Variants in GALNTL6 observed in about 807,000 individuals in gnomAD.
GALNTL6 encodes the protein polypeptide N-acetylgalactosaminyltransferase like 6, also known as polypeptide N-acetylgalactosaminyltransferase-like 6.
A neutral mutation model predicts 73.7 loss-of-function variants in GALNTL6; 46 were observed. The observed-to-expected ratio is 0.62, with a 90% CI of 0.49 to 0.80. GALNTL6 has a LOEUF of 0.80. Among genes scored for constraint, GALNTL6 ranks in the 30% least tolerant of loss-of-function variants. The probability of loss-of-function intolerance (pLI) is 0.00; values close to 1 mark genes in which losing one functional copy is unlikely to be tolerated. For missense variants in GALNTL6, 604 were observed against 755.0 expected, an observed-to-expected ratio of 0.80 and a Z score of 2.34; for synonymous variants, 259 against 263.7, an observed-to-expected ratio of 0.98 and a Z score of 0.17.
Position 172,658,149 on chromosome 4 carries a change from C to CAAAAAAAAAAAA in GALNTL6, c.554-151203_554-151192dup, listed in dbSNP as rs58279803. Among the ~76,000 whole-genome samples, 5 of 5,016 alleles carry CAAAAAAAAAAAA rather than the reference C, an allele frequency of 1.0e-3. 1 individual carries two copies. Among genetic ancestry groups the CAAAAAAAAAAAA allele is most frequent in the Admixed American group, 9.7e-3 (2 of 206 alleles). The allele number at this position is 5,016 out of a possible 152,430, so 3.3% of individuals were successfully genotyped here. A position where few individuals can be genotyped will look rare whatever the true frequency, so the allele number is the denominator to read the frequency against. ...TGGGTGACAGAGCGAGACTCCGTCT[C>CAAAAAAAAAAAA]AAAAAAAAAAAAAAAAAAAAGAAAT... On this transcript the variant is annotated intron_variant, in intron 5 of 12. Coordinates refer to ENST00000506823, the MANE Select transcript of GALNTL6 (RefSeq NM_001034845.3).
intron 5 of GALNTL6, among the ~76,000 whole-genome samples, chr4:172,403,277 C>G (rs983312542): frequency 6.6e-6 from 1 of 152,118 alleles, no homozygotes; most frequent in South Asian, 2.1e-4. Flanking sequence ...AATATTTACA[C>G]TGATTCTGAA....
chr4:172,917,704 A>G (rs1747595309), intron 8 of GALNTL6, among the ~76,000 whole-genome samples: 1 of 152,232 alleles, frequency 6.6e-6, no homozygotes, highest in Non-Finnish European at 1.5e-5. Context: ...ATGAGATACC[A>G]TCTCACACCA....
At chr4:172,144,797 T>C (rs1409050643) in intron 2 of GALNTL6, among the ~76,000 whole-genome samples, 1 of 152,186 alleles carries the variant, frequency 6.6e-6, no homozygotes, top group African/African-American at 2.4e-5. Context: ...GCTAACCCCT[T>C]GTTTTGCAAA....
At chr4:172,959,266 A>G (rs1391632992) in intron 10 of GALNTL6, among the ~76,000 whole-genome samples, 1 of 151,958 alleles carries the variant, frequency 6.6e-6, no homozygotes, top group African/African-American at 2.4e-5. Context: ...GAACTGGGGG[A>G]AAAGGTGGCA....
At chr4:173,030,148 T>TATGTC (rs5864180) in intron 12 of GALNTL6, among the ~76,000 whole-genome samples, 56,586 of 151,722 alleles carry the variant, frequency 0.37, 11,339 homozygotes, top group African/African-American at 0.51. Flanking sequence ...ACAGAGGACT[T>TATGTC]ATGTTATCCT....
chr4:172,579,803 AAGGAAGGAG>A (rs1737102450), intron 5 of GALNTL6, among the ~76,000 whole-genome samples: 2 of 140,094 alleles, frequency 1.4e-5, no homozygotes, highest in Non-Finnish European at 3.1e-5. Flanking sequence ...GGAAGGAGGG[AAGGAAGGAG>A]GGAAGGAAGG....
intron 5 of GALNTL6, among the ~76,000 whole-genome samples, chr4:172,713,015 G>A (rs1438590553): frequency 2.6e-5 from 4 of 152,042 alleles, no homozygotes; most frequent in African/African-American, 7.2e-5. Flanking sequence ...AATCTTTACA[G>A]TATGCAGTAT....
rs563723071 is a variant in GALNTL6 at position 172,368,784 on chromosome 4, G to A, written c.553+20095G>A. On this transcript the variant is annotated intron_variant, in intron 5 of 12. Transcript: ENST00000506823. ...TCGCTGACTTCAAGAATGAAGCCGC[G>A]GACCCTTGCGGTGAGTGTTACAGTT... Among the ~76,000 whole-genome samples the A allele has an allele frequency of 1.1e-3, 164 of 152,150 alleles. 1 individual carries two copies. The highest frequency in any genetic ancestry group is 3.4e-3 in the Middle Eastern group (1 of 294).
chr4:172,052,937 A>G (rs1277492068), intron 2 of GALNTL6, among the ~76,000 whole-genome samples: 3 of 152,312 alleles, frequency 2.0e-5, no homozygotes, highest in South Asian at 4.1e-4. Flanking sequence ...TCTCTTCAAA[A>G]CAATAGTTAC....
intron 2 of GALNTL6, among the ~76,000 whole-genome samples, chr4:172,192,113 G>T (rs914603797): frequency 6.6e-5 from 10 of 151,912 alleles, no homozygotes; most frequent in Admixed American, 4.6e-4. Flanking sequence ...TTTGAAAGTG[G>T]TGTAATAATA....
At chr4:172,985,204 A>G (rs1162861743) in intron 10 of GALNTL6, among the ~76,000 whole-genome samples, 1 of 152,118 alleles carries the variant, frequency 6.6e-6, no homozygotes, top group Non-Finnish European at 1.5e-5. Context: ...GCCTTCGACA[A>G]TATAGCAATC....
chr4:172,594,212 G>A (rs183062721), intron 5 of GALNTL6, among the ~76,000 whole-genome samples: 21 of 152,150 alleles, frequency 1.4e-4, no homozygotes, highest in African/African-American at 5.1e-4. Context: ...CAGGCCTAGT[G>A]GTGGGCGCCT....
chr4:172,251,890 G>A (rs1258472833), intron 3 of GALNTL6, among the ~76,000 whole-genome samples: 1 of 151,960 alleles, frequency 6.6e-6, no homozygotes, highest in East Asian at 1.9e-4. Context: ...CATCCTAAAA[G>A]TATCAATGAA....
chr4:172,214,245 CCTTTT>C (rs1354586473), intron 2 of GALNTL6, among the ~76,000 whole-genome samples: 2 of 151,960 alleles, frequency 1.3e-5, no homozygotes, highest in African/African-American at 4.8e-5. Flanking sequence ...TCTGACTGTC[CCTTTT>C]CTTCAGTATT....
chr4:172,984,798 A>G (rs2126441623), intron 10 of GALNTL6, among the ~76,000 whole-genome samples: 1 of 152,308 alleles, frequency 6.6e-6, no homozygotes. Flanking sequence ...ATAATAAATT[A>G]ATAAAATTCT....
At chr4:172,983,050 C>A (rs942821492) in intron 10 of GALNTL6, among the ~76,000 whole-genome samples, 1 of 152,140 alleles carries the variant, frequency 6.6e-6, no homozygotes, top group Non-Finnish European at 1.5e-5. Context: ...TTCATCTGGG[C>A]AATGGATTCC....
At chr4:172,927,193 C>A (rs1041107325) in intron 8 of GALNTL6, among the ~76,000 whole-genome samples, 5 of 152,160 alleles carry the variant, frequency 3.3e-5, no homozygotes, top group Non-Finnish European at 5.9e-5. Context: ...CTTGTAATTT[C>A]TTTGGCCCAG....
At chr4:172,428,952 G>A (rs564988967) in intron 5 of GALNTL6, among the ~76,000 whole-genome samples, 2 of 152,158 alleles carry the variant, frequency 1.3e-5, no homozygotes, top group South Asian at 2.1e-4. Flanking sequence ...ATTTCTCACA[G>A]TTCTGGAACA....
intron 5 of GALNTL6, among the ~76,000 whole-genome samples, chr4:172,611,648 C>A (rs765126313): frequency 2.0e-5 from 3 of 151,910 alleles, no homozygotes; most frequent in African/African-American, 4.8e-5. Context: ...ACTATGTATC[C>A]TGAGGCTGGT....
Sources: allele counts gnomAD v4.1 joint callset (sites outside exome capture counted in the v4.1 genomes callset), GRCh38; gene constraint gnomAD v4.1.1; transcripts MANE v1.5; gene names NCBI Gene and HGNC (gene_info 2026-07-23, HGNC 2026-07-21).